Variants in CNTNAP2 observed in about 807,000 individuals in gnomAD.
The protein encoded by CNTNAP2 is contactin associated protein 2.
In CNTNAP2, 98 loss-of-function variants were observed where a neutral mutation model predicts 155.2. The observed-to-expected ratio is 0.63, with a 90% CI of 0.54 to 0.75. The LOEUF is 0.75. CNTNAP2 is among the 30% of genes least tolerant of loss of function. CNTNAP2 has a pLI of 0.00. For synonymous variants in CNTNAP2, 651 were observed against 631.2 expected (o/e 1.03, Z -0.47); for missense variants, 1,727 against 1,688.1 (o/e 1.02, Z -0.40).
chr7:147,831,101 A>G (rs577079917), intron 13 of CNTNAP2, among the ~76,000 whole-genome samples: 11 of 152,312 alleles, frequency 7.2e-5, no homozygotes, highest in Admixed American at 3.3e-4. Context: ...ATGCCTGGTA[A>G]TATGAGAACA....
intron 1 of CNTNAP2, among the ~76,000 whole-genome samples, chr7:146,556,638 A>C (rs1798202715): frequency 6.6e-6 from 1 of 152,188 alleles, no homozygotes; most frequent in Non-Finnish European, 1.5e-5. Context: ...TCATATAGAG[A>C]AGACAAGATT....
chr7:147,311,838 T>C (rs531580052), intron 9 of CNTNAP2, among the ~76,000 whole-genome samples: 7 of 152,176 alleles, frequency 4.6e-5, no homozygotes, highest in Non-Finnish European at 1.0e-4. Context: ...AATATTCTTA[T>C]ATGTACAGAA....
At chr7:146,468,728 A>T (rs1178628928) in intron 1 of CNTNAP2, among the ~76,000 whole-genome samples, 2 of 152,192 alleles carry the variant, frequency 1.3e-5, no homozygotes, top group South Asian at 2.1e-4. Flanking sequence ...TTAAAAAAAG[A>T]TGGCAAAGCT....
chr7:148,268,390 A>G (rs56888144), intron 21 of CNTNAP2, among the ~76,000 whole-genome samples: 8,287 of 152,162 alleles, frequency 0.054, 314 homozygotes, highest in African/African-American at 0.1. Context: ...GTGGCGGCTC[A>G]TGTCTGTAAT....
intron 11 of CNTNAP2, among the ~76,000 whole-genome samples, chr7:147,507,458 G>A (rs747178701): frequency 3.1e-4 from 46 of 148,548 alleles, no homozygotes; most frequent in Non-Finnish European, 4.7e-4. Flanking sequence ...TCACTGGATC[G>A]ACTCTTGTCA....
At chr7:147,346,138 A>ATT (rs200018437) in intron 9 of CNTNAP2, among the ~76,000 whole-genome samples, 2 of 50,782 alleles carry the variant, frequency 3.9e-5, no homozygotes, top group African/African-American at 2.8e-4. Flanking sequence ...ATTTTATTTT[A>ATT]TTTTATTTTA....
At chr7:148,090,992 C>T (rs1223896605) in intron 15 of CNTNAP2, among the ~76,000 whole-genome samples, 1 of 152,006 alleles carries the variant, frequency 6.6e-6, no homozygotes, top group Non-Finnish European at 1.5e-5. Flanking sequence ...ATCCTATGAT[C>T]CCACTTACAT....
chr7:146,434,914 T>C (rs1363867803), intron 1 of CNTNAP2, among the ~76,000 whole-genome samples: 8 of 152,220 alleles, frequency 5.3e-5, no homozygotes, highest in Non-Finnish European at 1.0e-4. Context: ...AGGGCCGCTC[T>C]GCAGGGCTTT....
At chr7:147,108,122 T>G in intron 4 of CNTNAP2, 25 bp from the exon 5 acceptor site, 1 of 1,574,128 alleles carries the variant, frequency 6.4e-7, no homozygotes, top group African/African-American at 1.5e-5. Context: ...GCTGAACTAA[T>G]ATGTTATTTT....
intron 3 of CNTNAP2, among the ~76,000 whole-genome samples, chr7:146,930,195 C>T (rs548930659): frequency 3.9e-5 from 6 of 152,272 alleles, no homozygotes; most frequent in Admixed American, 6.5e-5. Context: ...AGAGAAAGGT[C>T]GGGTTACCCT....
At chr7:146,911,260 G>T (rs1407316178) in intron 3 of CNTNAP2, among the ~76,000 whole-genome samples, 1 of 152,004 alleles carries the variant, frequency 6.6e-6, no homozygotes, top group Non-Finnish European at 1.5e-5. Flanking sequence ...ATTCCTCAGG[G>T]ATCTAGAACT....
intron 1 of CNTNAP2, among the ~76,000 whole-genome samples, chr7:146,463,736 A>G (rs1266915259): frequency 2.6e-5 from 4 of 152,146 alleles, no homozygotes; most frequent in Non-Finnish European, 5.9e-5. Flanking sequence ...ATATATATAG[A>G]GTAACTTAAA....
intron 4 of CNTNAP2, among the ~76,000 whole-genome samples, chr7:147,068,199 A>C (rs1410890472): frequency 2.0e-5 from 3 of 152,192 alleles, no homozygotes; most frequent in Non-Finnish European, 4.4e-5. Flanking sequence ...CTTCTGACCT[A>C]AAATCAACTA....
intron 15 of CNTNAP2, among the ~76,000 whole-genome samples, chr7:148,057,328 G>A (rs545230049): frequency 6.6e-6 from 1 of 152,266 alleles, no homozygotes; most frequent in South Asian, 2.1e-4. Flanking sequence ...CAATAGCTTG[G>A]ATAGTCTGCG....
At chr7:146,720,597 A>G (rs1016966094) in intron 1 of CNTNAP2, among the ~76,000 whole-genome samples, 9 of 152,046 alleles carry the variant, frequency 5.9e-5, no homozygotes, top group African/African-American at 1.7e-4. Flanking sequence ...TTTCATGGTG[A>G]TTACAATGTT....
intron 4 of CNTNAP2, among the ~76,000 whole-genome samples, chr7:147,057,884 A>G (rs1251862577): frequency 6.6e-6 from 1 of 152,164 alleles, no homozygotes; most frequent in East Asian, 1.9e-4. Context: ...ATTGATAAGG[A>G]CAATATTTAT....
At chr7:147,578,519 A>G (rs1800440474) in intron 12 of CNTNAP2, among the ~76,000 whole-genome samples, 2 of 152,136 alleles carry the variant, frequency 1.3e-5, no homozygotes, top group Admixed American at 6.6e-5. Context: ...AAATAAGAAT[A>G]TAGTGTTCAA....
chr7:146,311,605 TA>T (rs1242400152), intron 1 of CNTNAP2: 2 of 14,612 alleles, frequency 1.4e-4, no homozygotes, highest in African/African-American at 5.2e-4. Flanking sequence ...ACCTTGTCTT[TA>T]CAAAAAAAAA....
intron 14 of CNTNAP2, among the ~76,000 whole-genome samples, chr7:147,961,359 C>T (rs1440346420): frequency 6.6e-6 from 1 of 152,112 alleles, no homozygotes. Flanking sequence ...CTCTTGTATG[C>T]TCATTTGAAA....
Sources: allele counts gnomAD v4.1 joint callset (sites outside exome capture counted in the v4.1 genomes callset), GRCh38; gene constraint gnomAD v4.1.1; transcripts MANE v1.5; gene names NCBI Gene and HGNC (gene_info 2026-07-23, HGNC 2026-07-21).